TRAF2: variants seen among roughly 807,000 people sequenced by gnomAD.
TRAF2 encodes the protein TNF receptor associated factor 2, also known as TNF receptor-associated factor 2.
Under a neutral mutation model 55.6 loss-of-function variants are expected in TRAF2, and 6 were observed. That is an observed-to-expected ratio of 0.11 (90% CI 0.06 to 0.21). The LOEUF (loss-of-function observed/expected upper bound fraction) is 0.21. Among genes scored for constraint, TRAF2 ranks in the 10% least tolerant of loss-of-function variants. TRAF2 has a pLI of 1.00. For synonymous variants in TRAF2, 329 were observed against 276.3 expected (o/e 1.19, Z -1.89); for missense variants, 561 against 684.5 (o/e 0.82, Z 2.01).
intron 1 of TRAF2, among the ~76,000 whole-genome samples, chr9:136,895,073 G>A (rs528954971): frequency 1.2e-3 from 185 of 152,302 alleles, no homozygotes; most frequent in Admixed American, 3.9e-3. Flanking sequence ...ACCTCTTTCT[G>A]GCACAGCAAC....
intron 7 of TRAF2, among the ~76,000 whole-genome samples, chr9:136,919,558 G>A (rs565735107): frequency 6.6e-6 from 1 of 150,940 alleles, no homozygotes; most frequent in East Asian, 2.0e-4. Context: ...GCCTCCCAAA[G>A]TGCTGGGATT....
At chr9:136,887,368 G>C (rs1402184157) in intron 1 of TRAF2, among the ~76,000 whole-genome samples, 1 of 152,220 alleles carries the variant, frequency 6.6e-6, no homozygotes, top group Non-Finnish European at 1.5e-5. Flanking sequence ...ATGGCCTCTC[G>C]GGAGGCGGCC....
At chr9:136,894,821 C>T (rs1052321037) in intron 1 of TRAF2, among the ~76,000 whole-genome samples, 1 of 152,166 alleles carries the variant, frequency 6.6e-6, no homozygotes, top group Non-Finnish European at 1.5e-5. Flanking sequence ...GCTCAGAAAG[C>T]ATCCTGGATA....
chr9:136,900,291 C>T (rs1849787711), intron 3 of TRAF2, 131 bp from the exon 4 acceptor site: 2 of 577,404 alleles, frequency 3.5e-6, no homozygotes, highest in African/African-American at 3.8e-5. Context: ...GAGAGTCATC[C>T]TCTGCTCCTG....
chr9:136,890,326 A>G (rs1204949952), intron 1 of TRAF2: 1 of 152,316 alleles, frequency 6.6e-6, no homozygotes, highest in Non-Finnish European at 1.5e-5. Context: ...TGAAAAAACC[A>G]GCAGCACATT....
Position 136,909,915 on chromosome 9 carries a change from T to G in TRAF2, c.529-5T>G, listed in dbSNP as rs1485070986. 1 of 1,614,146 alleles carries G rather than the reference T, an allele frequency of 6.2e-7. No individual in the cohort carries two copies. The highest frequency in any genetic ancestry group is 2.2e-5 in the East Asian group (1 of 44,882). On this transcript the variant is annotated splice_polypyrimidine_tract_variant and splice_region_variant and intron_variant, in intron 5 of 10. Coordinates refer to ENST00000247668, the MANE Select transcript of TRAF2 (RefSeq NM_021138.4). ...CCCTCACACTCCTGATCCCTTCTTT[T>G]GAAGGCGCACCACGAGGTCTGCCCC...
rs568309182 is a variant in TRAF2 at position 136,916,797 on chromosome 9, A to T, written c.678+182A>T. ...GGTCTCTGGGCTGGCAGCCCTGTCCACTCCCTCCTGGTGGCATTGTAGTGC... is the reference window on the plus strand; with the variant it reads ...GGTCTCTGGGCTGGCAGCCCTGTCCTCTCCCTCCTGGTGGCATTGTAGTGC... On this transcript the variant is annotated intron_variant, in intron 7 of 10. Coordinates refer to ENST00000247668, the MANE Select transcript of TRAF2 (RefSeq NM_021138.4). The T allele has an allele frequency of 2.1e-4, 131 of 616,706 alleles. 1 individual carries two copies. The highest frequency in any genetic ancestry group is 4.0e-4 in the Admixed American group (17 of 42,714). The allele number at this position is 616,706 out of a possible 1,614,324, so 38.2% of individuals were successfully genotyped here. A position where few individuals can be genotyped will look rare whatever the true frequency, so the allele number is the denominator to read the frequency against.
chr9:136,885,071 C>G (rs368469571), upstream of TRAF2, among the ~76,000 whole-genome samples: 241 of 152,328 alleles, frequency 1.6e-3, no homozygotes, highest in African/African-American at 5.6e-3. Flanking sequence ...CGATGGCTTC[C>G]TGAGTTCCAT....
chr9:136,924,595 A>G (rs1850475481), intron 10 of TRAF2, among the ~76,000 whole-genome samples: 1 of 151,970 alleles, frequency 6.6e-6, no homozygotes, highest in Admixed American at 6.6e-5. Flanking sequence ...GCACAAAATA[A>G]TGCAAGTTTG....
intron 4 of TRAF2, among the ~76,000 whole-genome samples, chr9:136,906,934 G>A (rs1849968112): frequency 6.6e-6 from 1 of 152,244 alleles, no homozygotes; most frequent in Admixed American, 6.5e-5. Context: ...GTCTGTGAGA[G>A]GTGCAGCTGC....
upstream of TRAF2, chr9:136,882,108 G>T: frequency 1.1e-6 from 1 of 928,572 alleles, no homozygotes; most frequent in East Asian, 1.2e-4. Flanking sequence ...GGCCCAGCTT[G>T]GACATTCTGC....
chr9:136,902,690 T>TA (rs1849849382), intron 4 of TRAF2, among the ~76,000 whole-genome samples: 1 of 152,176 alleles, frequency 6.6e-6, no homozygotes, highest in South Asian at 2.1e-4. Flanking sequence ...ATTTTGTTGA[T>TA]AAAACCTCTC....
At chr9:136,898,075 C>G (rs1849726882) in intron 1 of TRAF2, among the ~76,000 whole-genome samples, 1 of 148,274 alleles carries the variant, frequency 6.7e-6, no homozygotes, top group Non-Finnish European at 1.5e-5. Flanking sequence ...AGTGCACTAG[C>G]CAGCTCCAGG....
At chr9:136,912,152 C>CTTTTTTTTTTTTTTT (rs1180324647) in intron 6 of TRAF2, among the ~76,000 whole-genome samples, 3 of 58,332 alleles carry the variant, frequency 5.1e-5, no homozygotes, top group African/African-American at 1.5e-4. Context: ...GCGTCTGGCC[C>CTTTTTTTTTTTTTTT]TTTTTTTTTT....
intron 1 of TRAF2, among the ~76,000 whole-genome samples, chr9:136,890,784 C>T (rs1287399051): frequency 6.6e-6 from 1 of 152,224 alleles, no homozygotes; most frequent in South Asian, 2.1e-4. Flanking sequence ...GGCTGCCTGC[C>T]GTGTCCTGGC....
chr9:136,889,946 TG>T (rs1316963458), intron 1 of TRAF2, among the ~76,000 whole-genome samples: 1 of 147,546 alleles, frequency 6.8e-6, no homozygotes, highest in Non-Finnish European at 1.5e-5. Context: ...ACCGCGTGTG[TG>T]AGAGTCCCCA....
chr9:136,910,142 C>A, intron 6 of TRAF2, 148 bp downstream of exon 6: 1 of 870,408 alleles, frequency 1.1e-6, no homozygotes, highest in Non-Finnish European at 1.8e-6. Context: ...GTCATGGATG[C>A]GTTCAGGGTG....
At position 136,921,124 on chromosome 9, in the gene TRAF2, C is replaced by G; in HGVS notation, c.1047C>G (p.Thr349=). The G allele has an allele frequency of 6.2e-7, 1 of 1,614,094 alleles. No homozygotes were observed. The highest frequency in any genetic ancestry group is 8.5e-7 in the Non-Finnish European group (1 of 1,180,020). The change falls in exon 9 of 11, where the codon ACC becomes ACG. Residue 349 remains threonine (T), a synonymous_variant. Transcript: ENST00000247668. ...EQKVLEMEAS[T]YDGVFIWKIS... ...AGGTCTTGGAGATGGAGGCATCCAC[C>G]TACGATGGGGTCTTCATCTGGAAGA...
At chr9:136,886,178 GAAGGGACCC>G (rs1195577439), upstream of TRAF2, 1 of 156,182 alleles carries the variant, frequency 6.4e-6, no homozygotes, top group Non-Finnish European at 1.4e-5. Flanking sequence ...CGCACCTGGG[GAAGGGACCC>G]AATTAGCGCG....
Sources: allele counts gnomAD v4.1 joint callset (sites outside exome capture counted in the v4.1 genomes callset), GRCh38; gene constraint gnomAD v4.1.1; transcripts MANE v1.5; gene names NCBI Gene and HGNC (gene_info 2026-07-23, HGNC 2026-07-21).